SZT2: variants seen among roughly 807,000 people sequenced by gnomAD.
SZT2 encodes the protein KICSTOR complex protein SZT2.
SZT2 carries 216 observed loss-of-function variants against 404.2 expected under a neutral mutation model. The observed-to-expected ratio is 0.53, with a 90% CI of 0.48 to 0.60. The LOEUF is 0.60. Ranked by LOEUF, SZT2 falls within the 20% of genes least tolerant of loss-of-function variation. The pLI is 0.00. For synonymous variants in SZT2, 1,693 were observed against 1,749.9 expected (o/e 0.97, Z 0.81); for missense variants, 3,857 against 4,459.2 (o/e 0.86, Z 3.85).
At position 43,430,484 on chromosome 1, in the gene SZT2, A is replaced by G. The variant is rs189044192; in HGVS notation, c.4481-12A>G. 5.6e-6 allele frequency: 9 copies of G among 1,612,230 alleles called. No individual in the cohort carries two copies. The highest frequency in any genetic ancestry group is 5.9e-6 in the Non-Finnish European group (7 of 1,178,676). On this transcript the variant is annotated splice_polypyrimidine_tract_variant and intron_variant, in intron 31 of 71. Transcript: ENST00000634258. The stretch of plus-strand genomic sequence containing the variant: ...CAGCCTCTCTCATTGACCATGTGAC[A>G]TGCACTACTAGGAGACACATCTGCC...
rs765379567 is a variant in SZT2, at chr1:43,437,752, T to C, written c.6397-39T>C. The C allele has an allele frequency of 3.1e-6, 5 of 1,614,074 alleles. No individual in the cohort carries two copies. Among genetic ancestry groups the C allele is most frequent in the Non-Finnish European group, 4.2e-6 (5 of 1,179,980 alleles). On this transcript the variant is annotated intron_variant, in intron 45 of 71. Transcript: ENST00000634258. This position sits in a 1 kb window ranked among gnomAD's most constrained non-coding sequence, Gnocchi z 5.3. ...CCCCTGTGTTCCTCTTGCACTTTGCTCTCTGGAACCGGGGCCCTGACCACA... is the reference window on the plus strand; with the variant it reads ...CCCCTGTGTTCCTCTTGCACTTTGCCCTCTGGAACCGGGGCCCTGACCACA...
At position 43,437,126 on chromosome 1, in the gene SZT2, G is replaced by C. The variant is rs748264075; in HGVS notation, c.6035-45G>C. 6.2e-7 allele frequency: 1 copy of C among 1,607,746 alleles called. No homozygotes were observed. Among genetic ancestry groups the C allele is most frequent in the African/African-American group, 1.3e-5 (1 of 74,886 alleles). ...CCAGGTGAGAAGTCTGTGGAGGGCA[G>C]AGGGTGGTGTGTCCCATTTCTAATC... On this transcript the variant is annotated intron_variant, in intron 42 of 71. Transcript: ENST00000634258. This position sits in a 1 kb window ranked among gnomAD's most constrained non-coding sequence, Gnocchi z 5.3.
In SZT2 at chr1:43,441,943, G is replaced by A. The variant is rs1655102272; in HGVS notation, c.7743-57G>A. On this transcript the variant is annotated intron_variant, in intron 55 of 71. Coordinates refer to ENST00000634258, the MANE Select transcript of SZT2 (RefSeq NM_001365999.1). The surrounding 1 kb of genome is among the most constrained non-coding windows in gnomAD (Gnocchi z 4.8). ...GGAAACAAGGCCCAGGGAGGTGAAG[G>A]CTAGGCCAGGGAGTGGTGTCATGGA... 1.9e-6 allele frequency: 3 copies of A among 1,592,454 alleles called. No individual in the cohort carries two copies. The highest frequency in any genetic ancestry group is 2.6e-6 in the Non-Finnish European group (3 of 1,166,648).
rs750532958 is a variant in SZT2, at chr1:43,424,414, T to C, written c.2453T>C (p.Leu818Pro). The C allele has an allele frequency of 1.3e-6, 2 of 1,597,728 alleles. No individual in the cohort carries two copies. Among genetic ancestry groups the C allele is most frequent in the South Asian group, 2.2e-5 (2 of 91,052 alleles). Residue 818 changes from leucine (L) to proline (P), a missense_variant, in exon 16 of 72, where the codon CTC becomes CCC. Physicochemically the swap from Leu to Pro is moderately conservative, Grantham distance 98 (BLOSUM62 -3). Around this residue, in one of 7 missense-constraint regions of SZT2, gnomAD observed 1,725 missense variants for 1,881.0 expected, o/e 0.92. Coordinates refer to ENST00000634258, the MANE Select transcript of SZT2 (RefSeq NM_001365999.1). This position sits in a 1 kb window ranked among gnomAD's most constrained non-coding sequence, Gnocchi z 4.1. ...CTGCCTCTCAGTGCCATTGCCCAGC[T>C]CCTCTCCATCCTCACTGAGTATGTC... is the stretch of plus-strand genomic sequence containing the variant. ...PALPLSAIAQ[L>P]LSILTEVRLS... is the part of the protein sequence containing the mutation.
Position 43,432,708 on chromosome 1 carries a change from C to T in SZT2, c.5531-20C>T, listed in dbSNP as rs965293478. On this transcript the variant is annotated intron_variant, in intron 38 of 71. Coordinates refer to ENST00000634258, the MANE Select transcript of SZT2 (RefSeq NM_001365999.1). The stretch of plus-strand genomic sequence containing the variant: ...AGACAGGATTGAGAGAGGCTCCAGG[C>T]ATTTTCCTTCTCTATCCAGGGAGTC... 2.5e-6 allele frequency: 4 copies of T among 1,613,708 alleles called. No individual in the cohort carries two copies. The highest frequency in any genetic ancestry group is 2.5e-6 in the Non-Finnish European group (3 of 1,179,778).
rs529308657 is a variant in SZT2, at chr1:43,425,320, G to C, written c.2645+113G>C. 1.2e-4 allele frequency: 179 copies of C among 1,510,140 alleles called. 1 individual carries two copies. The South Asian group carries it at 1.6e-3, about 14-fold the overall frequency. 93.5% of individuals were successfully genotyped at this position (1,510,140 alleles called of 1,614,324 possible). On this transcript the variant is annotated intron_variant, in intron 18 of 71. Transcript: ENST00000634258. The surrounding 1 kb of genome is among the most constrained non-coding windows in gnomAD (Gnocchi z 4.3). ...TGATCTTGATCCCAAAGTCAGGGAG[G>C]GGGTGCGGTGTTTAGATGCTTCATC...
In SZT2 at chr1:43,415,997, G is replaced by A. The variant is rs1651677047; in HGVS notation, c.668G>A (p.Gly223Asp). The change falls in exon 6 of 72, where the codon GGC becomes GAC. Residue 223 changes from glycine (G) to aspartate (D), a missense_variant. By Grantham distance (94) the Gly-to-Asp change is moderately conservative (BLOSUM62 -1). Coordinates refer to ENST00000634258, the MANE Select transcript of SZT2 (RefSeq NM_001365999.1). Reference protein sequence around the residue: ...DQSPDSGDLLGRKVGVSMVTA... With the variant: ...DQSPDSGDLLDRKVGVSMVTA... ...TCCCCAGACTCAGGGGACCTACTGG[G>A]CCGGAAGGTAGGCGTCTCCATGGTG... 1 of 1,598,028 alleles carries A rather than the reference G, an allele frequency of 6.3e-7. No individual in the cohort carries two copies. The highest frequency in any genetic ancestry group is 1.7e-5 in the Admixed American group (1 of 59,970).
At chr1:43,431,934 T>C (rs1320337613) in intron 36 of SZT2, 33 bp downstream of exon 36, 2 of 1,611,152 alleles carry the variant, frequency 1.2e-6, no homozygotes, top group East Asian at 2.2e-5. Flanking sequence ...CAGGGTCACC[T>C]TGGGGCCCGT....
In SZT2 at chr1:43,434,464, G is replaced by C; in HGVS notation, c.5883G>C (p.Glu1961Asp). Residue 1961 changes from glutamate to aspartate, a missense_variant, in exon 41 of 72, where the codon GAG becomes GAC. Physicochemically the swap from Glu to Asp is conservative, Grantham distance 45 (BLOSUM62 2). This residue lies in a region of SZT2 where 1,725 missense variants were observed against 1,881.0 expected (regional missense o/e 0.92). Transcript: ENST00000634258. ...AGCTCCTGGTGAGGCGAGTTGGGGA[G>C]ATCTGCAGGGAGGTCAACCAGGTAA... ...LQQLLVRRVG[E>D]ICREVNQRLL... is the part of the protein sequence containing the mutation. The C allele has an allele frequency of 1.3e-6, 2 of 1,595,752 alleles. No homozygotes were observed. Among genetic ancestry groups the C allele is most frequent in the Non-Finnish European group, 1.7e-6 (2 of 1,172,640 alleles).
In SZT2 at chr1:43,451,472, A is replaced by G. The variant is rs959914487; in HGVS notation, c.*992A>G. 6.2e-7 allele frequency: 1 copy of G among 1,614,120 alleles called. No homozygotes were observed. Among genetic ancestry groups the G allele is most frequent in the Non-Finnish European group, 8.5e-7 (1 of 1,180,026 alleles). Reference sequence around the variant, plus strand: ...GCCTTCATCTTCCAGCAGTTGAAACAGATAGGGGAAATTCAGCTCTCCGGG... The same window carrying G: ...GCCTTCATCTTCCAGCAGTTGAAACGGATAGGGGAAATTCAGCTCTCCGGG... On this transcript the variant is annotated 3_prime_UTR_variant, in exon 72 of 72. Transcript: ENST00000634258.
chr1:43,422,662 G>GCCCC, intron 13 of SZT2, 30 bp downstream of exon 13: 1 of 1,231,814 alleles, frequency 8.1e-7, no homozygotes, highest in South Asian at 2.0e-5. Flanking sequence ...TTCACCCCCC[G>GCCCC]CCCCCCCACC....
chr1:43,424,794 T>C lies in SZT2; in HGVS notation c.2482T>C (p.Ser828Pro). 6.2e-7 allele frequency: 1 copy of C among 1,614,076 alleles called. No homozygotes were observed. The highest frequency in any genetic ancestry group is 1.7e-5 in the Admixed American group (1 of 60,012). The change falls in exon 17 of 72, where the codon TCT becomes CCT. Residue 828 changes from serine to proline, a missense_variant. This residue lies in a region of SZT2 where 1,725 missense variants were observed against 1,881.0 expected (regional missense o/e 0.92). Coordinates refer to ENST00000634258, the MANE Select transcript of SZT2 (RefSeq NM_001365999.1). The surrounding 1 kb of genome is among the most constrained non-coding windows in gnomAD (Gnocchi z 4.1). ...LLSILTEVRL[S>P]EGFHFACSGE... ...TTTATGGGGCTTCAGAGTCCGACTT[T>C]CTGAAGGATTCCACTTCGCCTGCAG...
Position 43,441,779 on chromosome 1 carries a change from T to C in SZT2, c.7703T>C (p.Met2568Thr). 1 of 1,614,190 alleles carries C rather than the reference T, an allele frequency of 6.2e-7. No individual in the cohort carries two copies. Among genetic ancestry groups the C allele is most frequent in the Non-Finnish European group, 8.5e-7 (1 of 1,180,024 alleles). Residue 2568 changes from methionine to threonine, a missense_variant, in exon 55 of 72, where the codon ATG (methionine) becomes ACG (threonine). Physicochemically the swap from Met to Thr is moderately conservative, Grantham distance 81. This residue lies in a region of SZT2 where 573 missense variants were observed against 592.4 expected (regional missense o/e 0.97). Coordinates refer to ENST00000634258, the MANE Select transcript of SZT2 (RefSeq NM_001365999.1). The surrounding 1 kb of genome is among the most constrained non-coding windows in gnomAD (Gnocchi z 4.8). The stretch of plus-strand genomic sequence containing the variant: ...GAGTTCACCGCACTGGTCACCTCAA[T>C]GGCTGGAGACACCAGTGTCCGCATC... ...LSEFTALVTSMAGDTSVRIFE... is the reference protein window; with the variant it reads ...LSEFTALVTSTAGDTSVRIFE...
At chr1:43,446,700 T>C in intron 65 of SZT2, 1 of 616,690 alleles carries the variant, frequency 1.6e-6, no homozygotes, top group Non-Finnish European at 2.8e-6. Context: ...CAGACCCTGA[T>C]GGAATCTGGG....
At position 43,451,780 on chromosome 1, in the gene SZT2, G is replaced by T. The variant is rs755090595; in HGVS notation, c.*1300G>T. 7 of 1,614,066 alleles carry T rather than the reference G, an allele frequency of 4.3e-6. No individual in the cohort carries two copies. The South Asian group carries it at 7.7e-5, about 18-fold the overall frequency. Reference sequence around the variant, plus strand: ...CCCCGCCCTCCTTCCGATCTGCGAAGTACCCCCTTCCACTTACCATTTGTA... The same window carrying T: ...CCCCGCCCTCCTTCCGATCTGCGAATTACCCCCTTCCACTTACCATTTGTA... On this transcript the variant is annotated 3_prime_UTR_variant, in exon 72 of 72. Transcript: ENST00000634258.
chr1:43,393,267 G>C (rs1026466695), intron 1 of SZT2, among the ~76,000 whole-genome samples: 3 of 152,188 alleles, frequency 2.0e-5, no homozygotes, highest in Admixed American at 1.3e-4. Flanking sequence ...GCAACTCCTT[G>C]TGTGGATGCA....
chr1:43,451,658 C>T lies in SZT2; in HGVS notation c.*1178C>T, dbSNP rs761690695. Reference sequence around the variant, plus strand: ...GGAAGGTCCTCTCACCAACAATGGGCAGGAACTCCCGGATGTTTCCTGTCA... The same window carrying T: ...GGAAGGTCCTCTCACCAACAATGGGTAGGAACTCCCGGATGTTTCCTGTCA... On this transcript the variant is annotated 3_prime_UTR_variant, in exon 72 of 72. Transcript: ENST00000634258. The T allele has an allele frequency of 1.1e-5, 17 of 1,614,018 alleles. No homozygotes were observed. Among genetic ancestry groups the T allele is most frequent in the Admixed American group, 3.3e-5 (2 of 60,014 alleles).
chr1:43,428,150 G>A (rs1429136304), intron 27 of SZT2, 32 bp downstream of exon 27: 2 of 1,611,272 alleles, frequency 1.2e-6, no homozygotes, highest in East Asian at 4.5e-5. Context: ...GGGAGGAGTG[G>A]GGCCCTGCGG....
rs1654739585 is a variant in SZT2 at position 43,438,786 on chromosome 1, G to A, written c.6596G>A (p.Arg2199Gln). ...GACGTCATCACAGTTATGCTTGTTCGGAACTGCAAGCTGACACCAGCTGAT... is the reference window on the plus strand; with the variant it reads ...GACGTCATCACAGTTATGCTTGTTCAGAACTGCAAGCTGACACCAGCTGAT... ...TLDVITVMLV[R>Q]NCKLTPADVE... Residue 2199 changes from arginine to glutamine, a missense_variant, in exon 47 of 72, where the codon CGG (arginine) becomes CAG (glutamine). Arg to Gln is a conservative substitution (Grantham distance 43, BLOSUM62 1). Coordinates refer to ENST00000634258, the MANE Select transcript of SZT2 (RefSeq NM_001365999.1). 1 of 1,613,918 alleles carries A rather than the reference G, an allele frequency of 6.2e-7. No homozygotes were observed. The highest frequency in any genetic ancestry group is 8.5e-7 in the Non-Finnish European group (1 of 1,179,892).
Sources: allele counts gnomAD v4.1 joint callset (sites outside exome capture counted in the v4.1 genomes callset), GRCh38; gene constraint gnomAD v4.1.1; regional missense constraint gnomAD v4.1.1; non-coding constraint Gnocchi (gnomAD v3.1); transcripts MANE v1.5; gene names NCBI Gene and HGNC (gene_info 2026-07-23, HGNC 2026-07-21).